ATXN7L1: variants seen among roughly 807,000 people sequenced by gnomAD.
ATXN7L1 encodes the protein ataxin 7 like 1.
A neutral mutation model predicts 70.8 loss-of-function variants in ATXN7L1; 15 were observed. That is an observed-to-expected ratio of 0.21 (90% CI 0.14 to 0.33). ATXN7L1 has a LOEUF of 0.33. Ranked by LOEUF, ATXN7L1 falls within the 10% of genes least tolerant of loss-of-function variation. The pLI is 1.00. For synonymous variants in ATXN7L1, 440 were observed against 445.1 expected, an observed-to-expected ratio of 0.99 and a Z score of 0.14; for missense variants, 975 against 1,097.1, an observed-to-expected ratio of 0.89 and a Z score of 1.57.
At chr7:105,721,716 C>T (rs570411527) in intron 3 of ATXN7L1, among the ~76,000 whole-genome samples, 1 of 152,334 alleles carries the variant, frequency 6.6e-6, no homozygotes, top group East Asian at 1.9e-4. Context: ...GGAAGAATTC[C>T]CAGGGGCTGG....
intron 3 of ATXN7L1, among the ~76,000 whole-genome samples, chr7:105,724,556 A>G (rs374600890): frequency 7.6e-5 from 10 of 131,950 alleles, no homozygotes; most frequent in African/African-American, 2.6e-4. Context: ...CCTGGACGAC[A>G]GAGCAAGACT....
chr7:105,614,262 G>T lies in ATXN7L1; in HGVS notation c.2072C>A (p.Ala691Glu), dbSNP rs147110682. The T allele has an allele frequency of 1.9e-5, 30 of 1,551,778 alleles. No homozygotes were observed. In the African/African-American group the frequency reaches 3.8e-4, roughly 20 times the overall value. Residue 691 changes from alanine to glutamate, a missense_variant, in exon 10 of 12, where the codon GCG (alanine) becomes GAG (glutamate). Transcript: ENST00000419735. This position sits in a 1 kb window ranked among gnomAD's most constrained non-coding sequence, Gnocchi z 4.3. ...AGACAGGCTGTTATAGGGAGGGGCC[G>T]CCTGATAGGAGTTCAAAGCAGAACT... ...NASSALNSYQ[A>E]APPYNSLSVH...
At chr7:105,710,259 T>C (rs1793717663) in intron 3 of ATXN7L1, among the ~76,000 whole-genome samples, 1 of 152,120 alleles carries the variant, frequency 6.6e-6, no homozygotes, top group Admixed American at 6.6e-5. Context: ...TTTAATTGAC[T>C]CACAGTTCCA....
chr7:105,767,502 C>T (rs1477614382), intron 3 of ATXN7L1, among the ~76,000 whole-genome samples: 1 of 152,238 alleles, frequency 6.6e-6, no homozygotes, highest in African/African-American at 2.4e-5. Context: ...CAGCTTGTTT[C>T]TTCTCTGCCA....
At chr7:105,727,882 T>C (rs1485267715) in intron 3 of ATXN7L1, among the ~76,000 whole-genome samples, 1 of 149,414 alleles carries the variant, frequency 6.7e-6, no homozygotes, top group African/African-American at 2.5e-5. Flanking sequence ...AGAAAAATGT[T>C]TGGACAGACA....
chr7:105,835,413 C>T (rs1473195614), intron 2 of ATXN7L1, among the ~76,000 whole-genome samples: 1 of 145,344 alleles, frequency 6.9e-6, no homozygotes, highest in Non-Finnish European at 1.5e-5. Flanking sequence ...CCTCAGCCTC[C>T]CAAAGTGTTG....
chr7:105,639,264 G>A (rs1388063153), intron 6 of ATXN7L1, among the ~76,000 whole-genome samples: 1 of 142,670 alleles, frequency 7.0e-6, no homozygotes, highest in African/African-American at 2.6e-5. Flanking sequence ...AGTAACAGGG[G>A]AAGCCTAGTT....
chr7:105,638,403 T>A lies in ATXN7L1; in HGVS notation c.1152A>T (p.Pro384=). The A allele has an allele frequency of 6.4e-7, 1 of 1,552,252 alleles. No homozygotes were observed. Among genetic ancestry groups the A allele is most frequent in the Non-Finnish European group, 8.7e-7 (1 of 1,147,108 alleles). ...TGGATTTTGCAGGGGATGCAACTTT[T>A]GGTTCTGGCCCAGAGCTCCCTGAAG... ...LGSSGSSGPE[P]KVASPAKSRP... Residue 384 remains proline, a synonymous_variant, in exon 7 of 12, where the codon CCA becomes CCT. Coordinates refer to ENST00000419735, the MANE Select transcript of ATXN7L1 (RefSeq NM_020725.2).
At chr7:105,850,646 C>T (rs748956642) in intron 2 of ATXN7L1, among the ~76,000 whole-genome samples, 6 of 152,324 alleles carry the variant, frequency 3.9e-5, no homozygotes, top group South Asian at 2.1e-4. Context: ...GAGCACAGAG[C>T]GAGCATGGGC....
At chr7:105,876,282 ACTCT>A (rs1217449397) in intron 1 of ATXN7L1, 92 bp downstream of exon 1, 3 of 1,386,662 alleles carry the variant, frequency 2.2e-6, no homozygotes, top group Middle Eastern at 1.9e-4. Flanking sequence ...ACCGGGGGCC[ACTCT>A]CTCTCTCACA....
At chr7:105,822,970 T>C (rs28384072) in intron 2 of ATXN7L1, among the ~76,000 whole-genome samples, 14 of 152,226 alleles carry the variant, frequency 9.2e-5, no homozygotes, top group African/African-American at 3.4e-4. Flanking sequence ...CACATACTCT[T>C]GGGTTCCAGC....
Position 105,750,229 on chromosome 7 carries a change from A to G in ATXN7L1, c.355+38375T>C, listed in dbSNP as rs536305667. Among the ~76,000 whole-genome samples, 300 of 151,622 alleles carry G rather than the reference A, an allele frequency of 2.0e-3. 6 individuals carry two copies. Among genetic ancestry groups the G allele is most frequent in the African/African-American group, 6.8e-3 (283 of 41,398 alleles). ...GTTAAGTTTGTGTTTCAAACAACAT[A>G]CTTTGTGAGCAGTTAAATATGATGG... is the stretch of plus-strand genomic sequence containing the variant. On this transcript the variant is annotated intron_variant, in intron 3 of 11. Coordinates refer to ENST00000419735, the MANE Select transcript of ATXN7L1 (RefSeq NM_020725.2).
intron 3 of ATXN7L1, among the ~76,000 whole-genome samples, chr7:105,689,797 G>A (rs573306468): frequency 2.1e-3 from 326 of 152,320 alleles, no homozygotes; most frequent in Non-Finnish European, 3.1e-3. Flanking sequence ...GATGGATCAT[G>A]TCCGAGCCCG....
chr7:105,639,198 A>G (rs1687234740), intron 6 of ATXN7L1, among the ~76,000 whole-genome samples: 1 of 151,926 alleles, frequency 6.6e-6, no homozygotes, highest in Non-Finnish European at 1.5e-5. Context: ...AAAACGTAGC[A>G]GGCTTTAGAA....
At chr7:105,702,668 AAAAT>A (rs1284121323) in intron 3 of ATXN7L1, among the ~76,000 whole-genome samples, 3 of 152,210 alleles carry the variant, frequency 2.0e-5, no homozygotes, top group Non-Finnish European at 2.9e-5. Flanking sequence ...TTAAAAAATA[AAAAT>A]AAATAAGTAA....
intron 4 of ATXN7L1, among the ~76,000 whole-genome samples, chr7:105,660,898 A>G (rs1008474981): frequency 3.9e-5 from 6 of 152,124 alleles, no homozygotes; most frequent in Non-Finnish European, 8.8e-5. Context: ...ACCTCTTTTG[A>G]AAAACCCTTT....
chr7:105,865,636 C>T (rs11983328), intron 2 of ATXN7L1, among the ~76,000 whole-genome samples: 35 of 152,228 alleles, frequency 2.3e-4, no homozygotes, highest in East Asian at 7.7e-4. Context: ...CTCCTGACCT[C>T]GTGATCTGCC....
intron 3 of ATXN7L1, among the ~76,000 whole-genome samples, chr7:105,752,876 A>C (rs1290693041): frequency 6.6e-6 from 1 of 152,210 alleles, no homozygotes; most frequent in African/African-American, 2.4e-5. Flanking sequence ...CTCCCGGTAC[A>C]AAGTGGATTA....
At chr7:105,771,437 A>G (rs1563079586) in intron 3 of ATXN7L1, among the ~76,000 whole-genome samples, 2 of 152,162 alleles carry the variant, frequency 1.3e-5, no homozygotes, top group Non-Finnish European at 2.9e-5. Flanking sequence ...AGTGGATCAT[A>G]GGATTCTGAG....
Sources: allele counts gnomAD v4.1 joint callset (sites outside exome capture counted in the v4.1 genomes callset), GRCh38; gene constraint gnomAD v4.1.1; non-coding constraint Gnocchi (gnomAD v3.1); transcripts MANE v1.5; gene names NCBI Gene and HGNC (gene_info 2026-07-23, HGNC 2026-07-21).